Variants in NOS1AP observed in about 807,000 individuals in gnomAD.
The protein encoded by NOS1AP is nitric oxide synthase 1 adaptor protein.
A neutral mutation model predicts 56.2 loss-of-function variants in NOS1AP; 21 were observed. The observed-to-expected ratio is 0.37, with a 90% CI of 0.26 to 0.54. The LOEUF is 0.54. NOS1AP is among the 20% of genes least tolerant of loss of function. The pLI is 0.84. For synonymous variants in NOS1AP, 270 were observed against 274.6 expected, an observed-to-expected ratio of 0.98 and a Z score of 0.17; for missense variants, 522 against 657.8, an observed-to-expected ratio of 0.79 and a Z score of 2.26.
intron 2 of NOS1AP, among the ~76,000 whole-genome samples, chr1:162,168,321 G>A (rs1650602015): frequency 6.6e-6 from 1 of 152,222 alleles, no homozygotes; most frequent in African/African-American, 2.4e-5. Flanking sequence ...AGGCCTCTCT[G>A]TGCAGAGACT....
At chr1:162,105,817 C>G (rs1176246849) in intron 1 of NOS1AP, among the ~76,000 whole-genome samples, 1 of 152,226 alleles carries the variant, frequency 6.6e-6, no homozygotes, top group East Asian at 1.9e-4. Context: ...CCTCTGGGAA[C>G]ACCATCCTGA....
chr1:162,113,611 G>T (rs1191655682), intron 1 of NOS1AP, among the ~76,000 whole-genome samples: 1 of 152,136 alleles, frequency 6.6e-6, no homozygotes, highest in African/African-American at 2.4e-5. Context: ...ACTTTACATG[G>T]CCGGAACGGG....
At chr1:162,242,543 G>A (rs957793129) in intron 2 of NOS1AP, among the ~76,000 whole-genome samples, 8 of 152,152 alleles carry the variant, frequency 5.3e-5, no homozygotes, top group African/African-American at 9.7e-5. Flanking sequence ...CATCTTGGAC[G>A]TCCAGACCCA....
At chr1:162,211,736 C>T (rs1011305619) in intron 2 of NOS1AP, among the ~76,000 whole-genome samples, 1 of 152,068 alleles carries the variant, frequency 6.6e-6, no homozygotes, top group Non-Finnish European at 1.5e-5. Context: ...TTTCCTTCCT[C>T]TCTCTGCAGT....
intron 2 of NOS1AP, among the ~76,000 whole-genome samples, chr1:162,260,868 G>T (rs1654186305): frequency 6.6e-6 from 1 of 152,022 alleles, no homozygotes; most frequent in Non-Finnish European, 1.5e-5. Context: ...TGCTATTCCA[G>T]TTAAAACACG....
At chr1:162,329,187 G>A (rs1260916898) in intron 4 of NOS1AP, among the ~76,000 whole-genome samples, 1 of 152,160 alleles carries the variant, frequency 6.6e-6, no homozygotes, top group African/African-American at 2.4e-5. Context: ...TAACAGTTCT[G>A]TTAGTAAGTA....
intron 2 of NOS1AP, among the ~76,000 whole-genome samples, chr1:162,171,231 A>C (rs576623675): frequency 1.3e-5 from 2 of 152,248 alleles, no homozygotes; most frequent in South Asian, 4.1e-4. Context: ...CTTTTCTGGG[A>C]AGGAACCTGA....
chr1:162,220,851 A>G (rs1232452650), intron 2 of NOS1AP, among the ~76,000 whole-genome samples: 1 of 152,224 alleles, frequency 6.6e-6, no homozygotes, highest in East Asian at 1.9e-4. Context: ...TCTACCATAT[A>G]AATATGTTCA....
intron 8 of NOS1AP, chr1:162,360,724 C>T: frequency 4.5e-6 from 2 of 442,472 alleles, no homozygotes; most frequent in Non-Finnish European, 9.1e-6. Context: ...GTGGCTTCTC[C>T]CAGTCCCCAG....
intron 2 of NOS1AP, among the ~76,000 whole-genome samples, chr1:162,264,474 C>CTCTCCTCT (rs1557855390): frequency 1.4e-3 from 5 of 3,700 alleles, no homozygotes; most frequent in African/African-American, 2.2e-3. Flanking sequence ...TCCTCCCCTC[C>CTCTCCTCT]CCTCCCCTCC....
At chr1:162,212,731 G>A (rs1311194491) in intron 2 of NOS1AP, among the ~76,000 whole-genome samples, 1 of 152,198 alleles carries the variant, frequency 6.6e-6, no homozygotes, top group Non-Finnish European at 1.5e-5. Context: ...GTATCAGTGA[G>A]TGGGTGGAGG....
At chr1:162,308,754 G>A (rs1655927929) in intron 4 of NOS1AP, among the ~76,000 whole-genome samples, 1 of 152,214 alleles carries the variant, frequency 6.6e-6, no homozygotes, top group Admixed American at 6.5e-5. Context: ...GAGCTGAGTA[G>A]CAATAAATTG....
intron 6 of NOS1AP, among the ~76,000 whole-genome samples, chr1:162,344,788 ATT>A (rs1657224240): frequency 6.6e-6 from 1 of 152,130 alleles, no homozygotes; most frequent in Non-Finnish European, 1.5e-5. Context: ...TAAAAAAAAT[ATT>A]GTTTATGTTA....
At chr1:162,344,577 GGTACAC>G (rs1657215610) in intron 6 of NOS1AP, among the ~76,000 whole-genome samples, 1 of 152,054 alleles carries the variant, frequency 6.6e-6, no homozygotes, top group African/African-American at 2.4e-5. Flanking sequence ...CAGGCGTGGT[GGTACAC>G]GCCTATAGTC....
At chr1:162,140,854 T>C (rs550004877) in intron 1 of NOS1AP, among the ~76,000 whole-genome samples, 2 of 152,334 alleles carry the variant, frequency 1.3e-5, no homozygotes, top group Admixed American at 6.5e-5. Flanking sequence ...TGGTGTGAGA[T>C]GGTATCTCAC....
intron 2 of NOS1AP, among the ~76,000 whole-genome samples, chr1:162,154,984 C>T (rs774840384): frequency 1.1e-4 from 16 of 151,692 alleles, no homozygotes; most frequent in Non-Finnish European, 2.4e-4. Context: ...AACGGTGGCT[C>T]TTGAATAGAA....
At chr1:162,347,426 G>A (rs1490684020) in intron 6 of NOS1AP, among the ~76,000 whole-genome samples, 1 of 152,202 alleles carries the variant, frequency 6.6e-6, no homozygotes, top group Non-Finnish European at 1.5e-5. Flanking sequence ...ATGCCCAGAG[G>A]TTGAATGTTT....
chr1:162,346,725 C>T (rs1199842872), intron 6 of NOS1AP, among the ~76,000 whole-genome samples: 2 of 152,174 alleles, frequency 1.3e-5, no homozygotes, highest in African/African-American at 2.4e-5. Context: ...TCTTGAAAAC[C>T]TGACATTATT....
intron 1 of NOS1AP, among the ~76,000 whole-genome samples, chr1:162,117,242 C>T (rs1223439627): frequency 6.6e-6 from 1 of 152,138 alleles, no homozygotes; most frequent in Non-Finnish European, 1.5e-5. Flanking sequence ...TGCAGGTTTC[C>T]ATACATTGGT....
Sources: gnomAD v4.1 joint callset for allele counts (sites outside exome capture counted in the v4.1 genomes callset) on GRCh38, gnomAD v4.1.1 for gene constraint, MANE v1.5 for transcripts, NCBI Gene and HGNC (gene_info 2026-07-23, HGNC 2026-07-21) for gene names.